SCN8A: variants seen among roughly 807,000 people sequenced by gnomAD.
SCN8A encodes sodium channel protein type 8 subunit alpha.
Under a neutral mutation model 184.1 loss-of-function variants are expected in SCN8A, and 30 were observed. The ratio of observed to expected loss-of-function variants is 0.16; its 90% confidence interval spans 0.12 to 0.22. The LOEUF (loss-of-function observed/expected upper bound fraction) is 0.22, where lower values mean the gene tolerates loss of function less well. SCN8A is among the 10% of genes least tolerant of loss of function. The pLI is 1.00. For missense variants in SCN8A, 1,057 were observed against 2,498.9 expected, an observed-to-expected ratio of 0.42 and a Z score of 12.30; for synonymous variants, 852 against 907.0, an observed-to-expected ratio of 0.94 and a Z score of 1.09.
At chr12:51,689,655 TCTA>T (rs567771913) in intron 6 of SCN8A, 94 of 153,294 alleles carry the variant, frequency 6.1e-4, no homozygotes, top group South Asian at 3.5e-3. Flanking sequence ...TCTATCATGT[TCTA>T]CTGCTGTCTG....
At chr12:51,792,159 A>T (rs1479370159) in intron 25 of SCN8A, among the ~76,000 whole-genome samples, 1 of 152,040 alleles carries the variant, frequency 6.6e-6, no homozygotes, top group African/African-American at 2.4e-5. Flanking sequence ...TAGTCAGAGA[A>T]AGCCTCACTA....
At chr12:51,622,013 T>C (rs1001751011) in intron 1 of SCN8A, among the ~76,000 whole-genome samples, 1 of 152,196 alleles carries the variant, frequency 6.6e-6, no homozygotes, top group Admixed American at 6.5e-5. Context: ...TCAAGTGCAC[T>C]TTGTTCTCTG....
chr12:51,724,614 C>T (rs1036100239), intron 12 of SCN8A, among the ~76,000 whole-genome samples: 1 of 151,926 alleles, frequency 6.6e-6, no homozygotes, highest in Non-Finnish European at 1.5e-5. Flanking sequence ...TTATGTTCTC[C>T]GAAAAAACAA....
At chr12:51,610,522 A>G (rs539681938) in intron 1 of SCN8A, among the ~76,000 whole-genome samples, 3 of 151,980 alleles carry the variant, frequency 2.0e-5, no homozygotes, top group Non-Finnish European at 2.9e-5. Context: ...GTTCTCTTTT[A>G]ATGTGTTTCC....
intron 22 of SCN8A, 38 bp from the exon 23 acceptor site, chr12:51,788,657 T>A: frequency 6.4e-7 from 1 of 1,570,534 alleles, no homozygotes. Context: ...ATCCACTCCC[T>A]TTATAGGCAC....
At chr12:51,749,746 C>T (rs1362817729) in intron 13 of SCN8A, among the ~76,000 whole-genome samples, 1 of 152,118 alleles carries the variant, frequency 6.6e-6, no homozygotes, top group African/African-American at 2.4e-5. Context: ...TAAAGCATCG[C>T]CATCCAGCTG....
At chr12:51,657,302 A>G (rs976233415) in intron 1 of SCN8A, among the ~76,000 whole-genome samples, 2 of 152,104 alleles carry the variant, frequency 1.3e-5, no homozygotes, top group Non-Finnish European at 2.9e-5. Flanking sequence ...ATTTCTTTGT[A>G]TTAGGAACAT....
intron 20 of SCN8A, among the ~76,000 whole-genome samples, chr12:51,774,975 A>G (rs753621443): frequency 2.6e-5 from 4 of 152,178 alleles, no homozygotes; most frequent in Admixed American, 1.3e-4. Context: ...TTCCAAGACT[A>G]TCTCCGAGGT....
At chr12:51,592,049 A>ACCCC (rs1939234357) in intron 1 of SCN8A, among the ~76,000 whole-genome samples, 1 of 16,796 alleles carries the variant, frequency 6.0e-5, no homozygotes, top group African/African-American at 2.3e-4. Flanking sequence ...CCCCCATCCC[A>ACCCC]CCCCCACCCC....
intron 1 of SCN8A, among the ~76,000 whole-genome samples, chr12:51,599,861 T>C (rs1024077130): frequency 3.3e-5 from 5 of 152,180 alleles, no homozygotes; most frequent in Admixed American, 6.5e-5. Flanking sequence ...AGAAATAGTT[T>C]ATAGGAAGAC....
At chr12:51,636,603 T>A (rs938652913) in intron 1 of SCN8A, among the ~76,000 whole-genome samples, 1 of 152,220 alleles carries the variant, frequency 6.6e-6, no homozygotes, top group African/African-American at 2.4e-5. Context: ...ATTGAAGACC[T>A]CAAAACCGCT....
rs1411580725 is a variant in SCN8A, at chr12:51,644,702, TG to T, written c.-54-18059del. Among the ~76,000 whole-genome samples the T allele has an allele frequency of 2.7e-5, 4 of 145,750 alleles. No individual in the cohort carries two copies. In the East Asian group the frequency reaches 8.3e-4, roughly 30 times the overall value. On this transcript the variant is annotated intron_variant, in intron 1 of 26. Coordinates refer to ENST00000627620, the MANE Select transcript of SCN8A (RefSeq NM_001330260.2). ...CGTCTCCGCCTGGCCGCCCATCGTC[TG>T]GGATGTGAGGGGCCCCTCTGCCTGG...
chr12:51,643,764 A>G (rs559633387), intron 1 of SCN8A, among the ~76,000 whole-genome samples: 7 of 152,346 alleles, frequency 4.6e-5, no homozygotes, highest in African/African-American at 1.4e-4. Context: ...CTGATTGAAA[A>G]CAAAAAAACT....
intron 18 of SCN8A, chr12:51,770,212 A>G (rs2138870834): frequency 6.8e-6 from 4 of 586,104 alleles, no homozygotes; most frequent in Non-Finnish European, 1.2e-5. Context: ...TTCTCTTGGC[A>G]TCAGCCCAAA....
intron 6 of SCN8A, chr12:51,690,001 G>A (rs1313809156): frequency 1.3e-5 from 2 of 152,098 alleles, no homozygotes; most frequent in African/African-American, 4.8e-5. Context: ...CCCCCCCGAA[G>A]CCCATCCATG....
chr12:51,743,025 T>C (rs1244640323), intron 12 of SCN8A, among the ~76,000 whole-genome samples: 1 of 152,222 alleles, frequency 6.6e-6, no homozygotes, highest in Non-Finnish European at 1.5e-5. Flanking sequence ...TTCAGTTGCA[T>C]TTTCCAACTG....
In SCN8A at chr12:51,770,727, G is replaced by C. The variant is rs752852608; in HGVS notation, c.3645+44G>C. The C allele has an allele frequency of 3.8e-6, 6 of 1,595,696 alleles. No homozygotes were observed. The South Asian group carries it at 5.6e-5, about 15-fold the overall frequency. On this transcript the variant is annotated intron_variant, in intron 19 of 26. Coordinates refer to ENST00000627620, the MANE Select transcript of SCN8A (RefSeq NM_001330260.2). ...TGTGAGGAGGGATTGGCTGGGGAAG[G>C]GTGTAGAGAAGCCAGTGGGAAAAGG...
chr12:51,700,736 A>G (rs1223710975), intron 7 of SCN8A, among the ~76,000 whole-genome samples: 5 of 152,222 alleles, frequency 3.3e-5, no homozygotes, highest in African/African-American at 1.2e-4. Flanking sequence ...TTAAAATAGG[A>G]CCTAGTATCT....
intron 1 of SCN8A, among the ~76,000 whole-genome samples, chr12:51,642,732 C>T (rs1160636179): frequency 6.6e-6 from 1 of 151,468 alleles, no homozygotes; most frequent in Non-Finnish European, 1.5e-5. Context: ...GCCTTCCCAT[C>T]GTTTTTGCCT....
Sources: gnomAD v4.1 joint callset for allele counts (sites outside exome capture counted in the v4.1 genomes callset) on GRCh38, gnomAD v4.1.1 for gene constraint, MANE v1.5 for transcripts, NCBI Gene and HGNC (gene_info 2026-07-23, HGNC 2026-07-21) for gene names.